Variants in DMD observed in about 807,000 individuals in gnomAD.
DMD encodes the protein mutant dystrophin.
A neutral mutation model predicts 330.1 loss-of-function variants in DMD; 63 were observed. The observed-to-expected ratio is 0.19, with a 90% CI of 0.16 to 0.24. The LOEUF is 0.24. Among genes scored for constraint, DMD ranks in the 10% least tolerant of loss-of-function variants. The probability of loss-of-function intolerance (pLI) is 1.00; values close to 1 mark genes in which losing one functional copy is unlikely to be tolerated. For missense variants in DMD, 3,344 were observed against 2,684.1 expected (o/e 1.25, Z -5.43); for synonymous variants, 1,223 against 959.8 (o/e 1.27, Z -5.07).
chrX:32,193,678 G>T (rs1342873734), intron 44 of DMD, among the ~76,000 whole-genome samples: 1 of 111,613 alleles, frequency 9.0e-6, no homozygotes, highest in Non-Finnish European at 1.9e-5. Flanking sequence ...AATCACAATA[G>T]GCCCTTCGAT....
At chrX:32,653,462 A>G (rs1285142651) in intron 9 of DMD, among the ~76,000 whole-genome samples, 4 of 111,752 alleles carry the variant, frequency 3.6e-5, no homozygotes, top group African/African-American at 1.3e-4. Context: ...AAGATCAGAT[A>G]GTAGTAGATA....
At chrX:32,694,651 A>AT (rs11309795) in intron 9 of DMD, among the ~76,000 whole-genome samples, 2 of 110,573 alleles carry the variant, frequency 1.8e-5, no homozygotes, top group Non-Finnish European at 3.8e-5. Flanking sequence ...CATACCATTT[A>AT]TTTTTTTTAT....
intron 1 of DMD, among the ~76,000 whole-genome samples, chrX:33,324,017 G>A (rs2054052557): frequency 9.0e-6 from 1 of 111,139 alleles, no homozygotes; most frequent in African/African-American, 3.3e-5. Flanking sequence ...TGCATATTTT[G>A]ATAATTGCCC....
intron 25 of DMD, among the ~76,000 whole-genome samples, chrX:32,462,318 T>C (rs1254929283): frequency 8.9e-6 from 1 of 111,795 alleles, no homozygotes; most frequent in Non-Finnish European, 1.9e-5. Context: ...CAAAATATCT[T>C]ATTTTACTGT....
chrX:31,462,520 G>A (rs2066597436), intron 59 of DMD, among the ~76,000 whole-genome samples: 2 of 111,441 alleles, frequency 1.8e-5, no homozygotes, highest in South Asian at 7.6e-4. Context: ...CGAGGTTTCT[G>A]CTCGAGGGCT....
chrX:32,927,067 A>C (rs1325121270), intron 2 of DMD, among the ~76,000 whole-genome samples: 4 of 111,247 alleles, frequency 3.6e-5, no homozygotes, highest in African/African-American at 1.3e-4. Flanking sequence ...TAAATAAATA[A>C]ATTTATTGAC....
chrX:33,031,947 G>A (rs2765379), intron 1 of DMD, among the ~76,000 whole-genome samples: 34,059 of 111,328 alleles, frequency 0.31, 3,845 homozygotes, highest in East Asian at 0.41. Flanking sequence ...TTAGTACAAA[G>A]TAAGTGCCAA....
intron 2 of DMD, among the ~76,000 whole-genome samples, chrX:32,962,605 A>G (rs756504386): frequency 1.8e-5 from 2 of 111,730 alleles, no homozygotes; most frequent in Non-Finnish European, 3.8e-5. Context: ...CATGGGGTAG[A>G]TTAATACAGA....
At chrX:31,336,464 C>T (rs1364178035) in intron 61 of DMD, among the ~76,000 whole-genome samples, 2 of 112,212 alleles carry the variant, frequency 1.8e-5, no homozygotes, top group African/African-American at 3.2e-5. Flanking sequence ...TGACAAAATG[C>T]TACCCCAGGC....
At chrX:33,253,832 C>CT (rs2052811207) in intron 1 of DMD, among the ~76,000 whole-genome samples, 1 of 110,978 alleles carries the variant, frequency 9.0e-6, no homozygotes, top group African/African-American at 3.3e-5. Flanking sequence ...AATCCCCATT[C>CT]TTAGTTATCA....
intron 2 of DMD, among the ~76,000 whole-genome samples, chrX:33,008,811 T>A (rs1376685945): frequency 1.0e-5 from 1 of 97,883 alleles, no homozygotes; most frequent in Non-Finnish European, 2.0e-5. Context: ...TACGTATATA[T>A]ACACATAAAT....
At chrX:32,560,521 T>C (rs1429636977) in intron 16 of DMD, among the ~76,000 whole-genome samples, 1 of 110,471 alleles carries the variant, frequency 9.1e-6, no homozygotes, top group Non-Finnish European at 1.9e-5. Flanking sequence ...CACGGTGGTA[T>C]GGTGCACCTA....
At chrX:33,080,974 TCACACACACACA>T (rs763162216) in intron 1 of DMD, among the ~76,000 whole-genome samples, 4 of 92,712 alleles carry the variant, frequency 4.3e-5, no homozygotes, top group Admixed American at 1.2e-4. Context: ...TTTATAAACA[TCACACACACACA>T]CACACACACA....
rs886043883 is a variant in DMD, at chrX:32,348,486, T to C, written c.5368A>G (p.Ile1790Val). 1 of 1,205,197 alleles carries C rather than the reference T, an allele frequency of 8.3e-7. No individual in the cohort carries two copies. The highest frequency in any genetic ancestry group is 1.1e-6 in the Non-Finnish European group (1 of 891,721). Residue 1790 changes from isoleucine to valine, a missense_variant, in exon 38 of 79, where the codon ATA becomes GTA. Coordinates refer to ENST00000357033, the MANE Select transcript of DMD (RefSeq NM_004006.3). Reference sequence around the variant, plus strand: ...TCCAGTGGTTCAAGCAATTTTTGTATATCTGAGTTAAACTGCTCCAATTCC... The same window carrying C: ...TCCAGTGGTTCAAGCAATTTTTGTACATCTGAGTTAAACTGCTCCAATTCC... ...LKELEQFNSD[I>V]QKLLEPLEAE...
chrX:32,828,474 T>A (rs1488569847), intron 4 of DMD, among the ~76,000 whole-genome samples: 1 of 107,449 alleles, frequency 9.3e-6, no homozygotes, highest in African/African-American at 3.5e-5. Flanking sequence ...ACACACACAC[T>A]CTGCTCTAGT....
At chrX:32,321,050 G>A (rs2097611211) in intron 41 of DMD, among the ~76,000 whole-genome samples, 2 of 111,646 alleles carry the variant, frequency 1.8e-5, no homozygotes, top group Admixed American at 9.6e-5. Context: ...CAACTCTGAA[G>A]ATAATTAATT....
intron 62 of DMD, among the ~76,000 whole-genome samples, chrX:31,320,275 T>C (rs1385065828): frequency 8.9e-6 from 1 of 112,576 alleles, no homozygotes; most frequent in Non-Finnish European, 1.9e-5. Context: ...AAGATGTTAA[T>C]GACTTAAAAT....
chrX:32,631,043 C>T (rs1258988994), intron 11 of DMD, among the ~76,000 whole-genome samples: 1 of 112,168 alleles, frequency 8.9e-6, no homozygotes, highest in Non-Finnish European at 1.9e-5. Flanking sequence ...CATATATGCA[C>T]TGGGGTGCAC....
At chrX:31,588,306 G>A (rs919715764) in intron 55 of DMD, among the ~76,000 whole-genome samples, 9 of 110,932 alleles carry the variant, frequency 8.1e-5, no homozygotes, top group Non-Finnish European at 1.5e-4. Flanking sequence ...ATTGCTTTTC[G>A]TTATACAAAC....
Sources: gnomAD v4.1 joint callset for allele counts (sites outside exome capture counted in the v4.1 genomes callset) on GRCh38, gnomAD v4.1.1 for gene constraint, MANE v1.5 for transcripts, NCBI Gene and HGNC (gene_info 2026-07-23, HGNC 2026-07-21) for gene names.